ZNF425: variants seen among roughly 807,000 people sequenced by gnomAD.
ZNF425 encodes the protein zinc finger protein 425.
Under a neutral mutation model 17.0 loss-of-function variants are expected in ZNF425, and 21 were observed. That is an observed-to-expected ratio of 1.23 (90% CI 0.88 to 1.78). The LOEUF (loss-of-function observed/expected upper bound fraction) is 1.78. Among genes scored for constraint, ZNF425 ranks in the 40% most tolerant of loss-of-function variants. The pLI, the probability that ZNF425 is intolerant of heterozygous loss-of-function variation, is 0.00. For synonymous variants in ZNF425, 433 were observed against 384.1 expected (o/e 1.13, Z -1.49); for missense variants, 868 against 967.3 (o/e 0.90, Z 1.36).
At chr7:149,125,738 A>T in intron 1 of ZNF425, 1 of 225,290 alleles carries the variant, frequency 4.4e-6, no homozygotes, top group Non-Finnish European at 8.8e-6. Flanking sequence ...GTGGCTATTC[A>T]CAGGCGCGAT....
In ZNF425 at chr7:149,126,252, C is replaced by G. The variant is rs1394013815; in HGVS notation, c.-39G>C. On this transcript the variant is annotated 5_prime_UTR_variant, in exon 1 of 4. Transcript: ENST00000378061. ...GAACCGGCCCTGCCTGGCACGGCCT[C>G]CCCTCCGCTCCGCCCCAACCCAACT... The G allele has an allele frequency of 1.2e-6, 2 of 1,603,906 alleles. No individual in the cohort carries two copies. Among genetic ancestry groups the G allele is most frequent in the Non-Finnish European group, 1.7e-6 (2 of 1,175,880 alleles).
chr7:149,114,012 TAAAAA>T (rs35168465), intron 2 of ZNF425, among the ~76,000 whole-genome samples: 3 of 120,584 alleles, frequency 2.5e-5, no homozygotes, highest in Non-Finnish European at 3.4e-5. Flanking sequence ...AGACTCTGTC[TAAAAA>T]AAAAAAAAAA....
intron 3 of ZNF425, among the ~76,000 whole-genome samples, chr7:149,109,542 C>T (rs145167549): frequency 1.1e-3 from 171 of 152,168 alleles, no homozygotes; most frequent in African/African-American, 3.9e-3. Context: ...CTCTCTCCTC[C>T]GCTCCTTCTC....
At chr7:149,126,072 T>C in intron 1 of ZNF425, 124 bp downstream of exon 1, 1 of 1,545,468 alleles carries the variant, frequency 6.5e-7, no homozygotes, top group Non-Finnish European at 8.8e-7. Flanking sequence ...GCTCAGTCCG[T>C]GGGCCACTGC....
Position 149,104,475 on chromosome 7 carries a change from C to G in ZNF425, c.1396G>C (p.Glu466Gln), listed in dbSNP as rs1252853574. 2 of 1,598,140 alleles carry G rather than the reference C, an allele frequency of 1.3e-6. No homozygotes were observed. The highest frequency in any genetic ancestry group is 1.7e-5 in the Admixed American group (1 of 58,042). ...TCGGCGCAGGGGAAGGGCTTTTGCT[C>G]GCTGTGCAGGCGCTGGTGGGCGCGC... Reference protein sequence around the residue: ...AMRAHQRLHSEQKPFPCAECG... With the variant: ...AMRAHQRLHSQQKPFPCAECG... Residue 466 changes from glutamate to glutamine, a missense_variant, in exon 4 of 4, where the codon GAG (glutamate) becomes CAG (glutamine). Physicochemically the swap from Glu to Gln is conservative, Grantham distance 29 (BLOSUM62 2). Coordinates refer to ENST00000378061, the MANE Select transcript of ZNF425 (RefSeq NM_001001661.3). The surrounding 1 kb of genome is among the most constrained non-coding windows in gnomAD (Gnocchi z 4.3).
Position 149,126,279 on chromosome 7 carries a change from C to G in ZNF425, c.-66G>C. 6.3e-7 allele frequency: 1 copy of G among 1,574,924 alleles called. No individual in the cohort carries two copies. The highest frequency in any genetic ancestry group is 1.2e-5 in the South Asian group (1 of 86,650). On this transcript the variant is annotated 5_prime_UTR_variant, in exon 1 of 4. Transcript: ENST00000378061. Reference sequence around the variant, plus strand: ...CCTCCGCTCCGCCCCAACCCAACTCCCAGGTACAGCCCTGCTGGCCCCCAA... The same window carrying G: ...CCTCCGCTCCGCCCCAACCCAACTCGCAGGTACAGCCCTGCTGGCCCCCAA...
In ZNF425 at chr7:149,118,145, C is replaced by T. The variant is rs1826295910; in HGVS notation, c.145+77G>A. On this transcript the variant is annotated intron_variant, in intron 2 of 3. Coordinates refer to ENST00000378061, the MANE Select transcript of ZNF425 (RefSeq NM_001001661.3). The stretch of plus-strand genomic sequence containing the variant: ...GGCACAGTATCATATTCAACCAGCC[C>T]ACGGCTCATACAGGGAAGGAAGCCT... 5 of 1,554,342 alleles carry T rather than the reference C, an allele frequency of 3.2e-6. No individual in the cohort carries two copies. The Admixed American group carries it at 8.5e-5, about 26-fold the overall frequency.
At chr7:149,109,461 C>T (rs1826138844) in intron 3 of ZNF425, among the ~76,000 whole-genome samples, 1 of 152,138 alleles carries the variant, frequency 6.6e-6, no homozygotes, top group South Asian at 2.1e-4. Flanking sequence ...ATTCTTCTTT[C>T]TCTAACCAAA....
In ZNF425 at chr7:149,105,327, C is replaced by G; in HGVS notation, c.544G>C (p.Glu182Gln). 6.2e-7 allele frequency: 1 copy of G among 1,614,154 alleles called. No homozygotes were observed. The stretch of plus-strand genomic sequence containing the variant: ...TAGCATCTTGGCCCTGTGGGAATTT[C>G]TAAGCGCCCTGGGGTCTCCCGAGGC... ...HKPRETPGRL[E>Q]IPTGPRCYSC... is the part of the protein sequence containing the mutation. The change falls in exon 4 of 4, where the codon GAA (glutamate) becomes CAA (glutamine). Residue 182 changes from glutamate to glutamine, a missense_variant. Physicochemically the swap from Glu to Gln is conservative, Grantham distance 29 (BLOSUM62 2). Around this residue, in one of 5 missense-constraint regions of ZNF425, gnomAD observed 179 missense variants for 216.3 expected, o/e 0.83. Transcript: ENST00000378061.
At position 149,108,260 on chromosome 7, in the gene ZNF425, T is replaced by G. The variant is rs147987892; in HGVS notation, c.305-2694A>C. Among the ~76,000 whole-genome samples the G allele has an allele frequency of 2.0e-3, 303 of 152,206 alleles. 1 individual carries two copies. The highest frequency in any genetic ancestry group is 6.8e-3 in the Middle Eastern group (2 of 294). ...AGAGTTTCACCATGTTGGCATTTTT[T>G]AATCTCCTAACCTGGGAGGAAACCC... On this transcript the variant is annotated intron_variant, in intron 3 of 3. Coordinates refer to ENST00000378061, the MANE Select transcript of ZNF425 (RefSeq NM_001001661.3).
chr7:149,116,658 C>T (rs1228559239), intron 2 of ZNF425, among the ~76,000 whole-genome samples: 1 of 151,998 alleles, frequency 6.6e-6, no homozygotes, highest in Non-Finnish European at 1.5e-5. Context: ...CTGTTTAAAT[C>T]CCCCCATCAT....
At chr7:149,105,615 A>T (rs1337909963) in intron 3 of ZNF425, 49 bp from the exon 4 acceptor site, 1 of 1,356,774 alleles carries the variant, frequency 7.4e-7, no homozygotes, top group Non-Finnish European at 9.6e-7. Context: ...TCTACCCTAT[A>T]AATGGGTTCA....
intron 1 of ZNF425, among the ~76,000 whole-genome samples, chr7:149,120,771 A>AT (rs1432607080): frequency 6.6e-6 from 1 of 152,212 alleles, no homozygotes; most frequent in African/African-American, 2.4e-5. Context: ...CTCAAAACAC[A>AT]TTCTTGTCGT....
rs1466966614 is a variant in ZNF425, at chr7:149,104,957, C to T, written c.914G>A (p.Gly305Glu). The change falls in exon 4 of 4, where the codon GGG becomes GAG. Residue 305 changes from glycine (G) to glutamate (E), a missense_variant. Transcript: ENST00000378061. This position sits in a 1 kb window ranked among gnomAD's most constrained non-coding sequence, Gnocchi z 4.3. ...CTGCACGAAGGCCCGGCCGCACTCC[C>T]CGCAGCAGAACGGCCGCTCCCCGCG... ...LHRGERPFCC[G>E]ECGRAFVQQC... 1 of 1,613,944 alleles carries T rather than the reference C, an allele frequency of 6.2e-7. No individual in the cohort carries two copies. Among genetic ancestry groups the T allele is most frequent in the Non-Finnish European group, 8.5e-7 (1 of 1,180,048 alleles).
intron 1 of ZNF425, among the ~76,000 whole-genome samples, chr7:149,122,718 C>A (rs538589982): frequency 6.6e-6 from 1 of 151,814 alleles, no homozygotes; most frequent in South Asian, 2.1e-4. Context: ...TTTTTGTACA[C>A]GGAGTCTCGT....
At position 149,105,214 on chromosome 7, in the gene ZNF425, T is replaced by G. The variant is rs765135191; in HGVS notation, c.657A>C (p.Arg219Ser). The G allele has an allele frequency of 1.9e-6, 3 of 1,614,108 alleles. No individual in the cohort carries two copies. The African/African-American group carries it at 4.0e-5, about 22-fold the overall frequency. ...KRSHSKSQLCRYPKYKNSSRG... is the reference protein window; with the variant it reads ...KRSHSKSQLCSYPKYKNSSRG... ...TGGACGAGTTTTTGTACTTTGGGTA[T>G]CTGCAGAGCTGGCTCTTGGAGTGGC... The change falls in exon 4 of 4, where the codon AGA becomes AGC. Residue 219 changes from arginine to serine, a missense_variant. Physicochemically the swap from Arg to Ser is moderately radical, Grantham distance 110. This residue lies in a region of ZNF425 where 243 missense variants were observed against 265.2 expected (regional missense o/e 0.92). Transcript: ENST00000378061.
intron 3 of ZNF425, 98 bp from the exon 4 acceptor site, chr7:149,105,664 T>TA (rs1826068887): frequency 2.4e-6 from 2 of 840,018 alleles, no homozygotes; most frequent in African/African-American, 3.6e-5. Flanking sequence ...TTATTATTAT[T>TA]TTTTGCGATA....
chr7:149,111,145 T>C (rs1168159913), intron 3 of ZNF425, among the ~76,000 whole-genome samples: 1 of 151,982 alleles, frequency 6.6e-6, no homozygotes, highest in Non-Finnish European at 1.5e-5. Context: ...GATTTGTTTT[T>C]TTTTAAATAA....
In ZNF425 at chr7:149,105,139, C is replaced by T. The variant is rs781350791; in HGVS notation, c.732G>A (p.Lys244=). ...RRTQRLLCQK[K]RFQCSECEKS... ...TCTCACACTCACTGCACTGGAACCG[C>T]TTCTTCTGACACAGGAGCCTCTGCG... The change falls in exon 4 of 4, where the codon AAG becomes AAA. Residue 244 remains lysine, a synonymous_variant. Coordinates refer to ENST00000378061, the MANE Select transcript of ZNF425 (RefSeq NM_001001661.3). The T allele has an allele frequency of 6.2e-7, 1 of 1,614,242 alleles. No individual in the cohort carries two copies. The highest frequency in any genetic ancestry group is 8.5e-7 in the Non-Finnish European group (1 of 1,180,046).
Sources: gnomAD v4.1 joint callset for allele counts (sites outside exome capture counted in the v4.1 genomes callset) on GRCh38, gnomAD v4.1.1 for gene constraint, gnomAD v4.1.1 regional missense constraint, Gnocchi (gnomAD v3.1) non-coding constraint, MANE v1.5 for transcripts, NCBI Gene and HGNC (gene_info 2026-07-23, HGNC 2026-07-21) for gene names.